The following TM4SF5 variants were observed in gnomAD, a reference collection of about 807,000 sequenced individuals.
TM4SF5 encodes transmembrane 4 L six family member 5, also known as transmembrane 4 L6 family member 5.
A neutral mutation model predicts 22.3 loss-of-function variants in TM4SF5; 16 were observed. The ratio of observed to expected loss-of-function variants is 0.72; its 90% CI spans 0.49 to 1.09. TM4SF5 has a LOEUF of 1.09. TM4SF5 is among the 50% of genes least tolerant of loss of function. The probability of loss-of-function intolerance (pLI) is 0.00; values close to 1 mark genes in which losing one functional copy is unlikely to be tolerated. For synonymous variants in TM4SF5, 113 were observed against 109.6 expected (o/e 1.03, Z -0.19); for missense variants, 249 against 266.1 (o/e 0.94, Z 0.45).
chr17:4,782,885 G>T lies in TM4SF5; in HGVS notation c.427G>T (p.Asp143Tyr). 1 of 1,614,122 alleles carries T rather than the reference G, an allele frequency of 6.2e-7. No individual in the cohort carries two copies. Among genetic ancestry groups the T allele is most frequent in the South Asian group, 1.1e-5 (1 of 91,076 alleles). The change falls in exon 4 of 5, where the codon GAT (aspartate) becomes TAT (tyrosine). Residue 143 changes from aspartate to tyrosine, a missense_variant. Physicochemically the swap from Asp to Tyr is radical, Grantham distance 160. Transcript: ENST00000270560. ...TTACTTGCTCAACCGCACTCTATGG[G>T]ATCGGTGCGAGGCGCCCCCTCGCGT... ...GAYLLNRTLW[D>Y]RCEAPPRVVP... is the part of the protein sequence containing the mutation.
intron 1 of TM4SF5, 118 bp from the exon 2 acceptor site, chr17:4,780,671 C>T (rs1053386044): frequency 2.9e-6 from 2 of 692,270 alleles, no homozygotes; most frequent in South Asian, 2.2e-5. Context: ...ATAAGGTCTT[C>T]TACAGTCCAA....
chr17:4,780,350 C>T (rs969707515), intron 1 of TM4SF5, among the ~76,000 whole-genome samples: 7 of 152,148 alleles, frequency 4.6e-5, no homozygotes, highest in Non-Finnish European at 7.3e-5. Context: ...CCACCGCGCC[C>T]GGCCTCTGAG....
At position 4,783,012 on chromosome 17, in the gene TM4SF5, T is replaced by C. The variant is rs1217009816; in HGVS notation, c.554T>C (p.Phe185Ser). Residue 185 changes from phenylalanine to serine, a missense_variant, in exon 4 of 5, where the codon TTC becomes TCC. By Grantham distance (155) the Phe-to-Ser change is radical (BLOSUM62 -2). Coordinates refer to ENST00000270560, the MANE Select transcript of TM4SF5 (RefSeq NM_003963.3). Reference sequence around the variant, plus strand: ...CTGGTGAACGCGACCATTGGTGTCTTCTGCGGCGATTGCAGGAAAAAACAG... The same window carrying C: ...CTGGTGAACGCGACCATTGGTGTCTCCTGCGGCGATTGCAGGAAAAAACAG... Reference protein sequence around the residue: ...IQLVNATIGVFCGDCRKKQDT... With the variant: ...IQLVNATIGVSCGDCRKKQDT... 9.3e-6 allele frequency: 15 copies of C among 1,614,060 alleles called. No individual in the cohort carries two copies. Among genetic ancestry groups the C allele is most frequent in the Non-Finnish European group, 1.1e-5 (13 of 1,180,014 alleles).
chr17:4,778,771 G>T (rs775582862), intron 1 of TM4SF5, among the ~76,000 whole-genome samples: 1 of 151,916 alleles, frequency 6.6e-6, no homozygotes, highest in Non-Finnish European at 1.5e-5. Flanking sequence ...CAAGTTACAA[G>T]TCTTGGCCAG....
In TM4SF5 at chr17:4,782,523, C is replaced by G; in HGVS notation, c.279C>G (p.Ser93=). The part of the protein sequence containing the change: ...NRCRMLRSVF[S]SAFGVLGAIY... ...TCCAGATGCTGCGCTCGGTCTTCTC[C>G]TCGGCGTTCGGGGTGCTTGGTGCCA... Residue 93 remains serine (S), a synonymous_variant, in exon 3 of 5, where the codon TCC becomes TCG. Coordinates refer to ENST00000270560, the MANE Select transcript of TM4SF5 (RefSeq NM_003963.3). The G allele has an allele frequency of 6.2e-7, 1 of 1,614,068 alleles. No individual in the cohort carries two copies. Among genetic ancestry groups the G allele is most frequent in the Non-Finnish European group, 8.5e-7 (1 of 1,180,018 alleles).
chr17:4,776,429 G>C (rs1186626352), intron 1 of TM4SF5, among the ~76,000 whole-genome samples: 1 of 152,082 alleles, frequency 6.6e-6, no homozygotes, highest in African/African-American at 2.4e-5. Flanking sequence ...AGCCTCCTGA[G>C]TAGCTGGGAT....
intron 2 of TM4SF5, among the ~76,000 whole-genome samples, chr17:4,781,793 G>A (rs1917314693): frequency 6.6e-6 from 1 of 152,084 alleles, no homozygotes; most frequent in Admixed American, 6.6e-5. Flanking sequence ...GGGATTACAG[G>A]TGTGAGATAT....
At chr17:4,773,097 GT>G (rs2150644536) in intron 1 of TM4SF5, among the ~76,000 whole-genome samples, 1 of 152,130 alleles carries the variant, frequency 6.6e-6, no homozygotes, top group South Asian at 2.1e-4. Flanking sequence ...TAGAGACAGG[GT>G]TTCGCCACGT....
At chr17:4,778,802 A>T (rs1917249718) in intron 1 of TM4SF5, among the ~76,000 whole-genome samples, 1 of 152,178 alleles carries the variant, frequency 6.6e-6, no homozygotes, top group South Asian at 2.1e-4. Flanking sequence ...TCACGCTTGT[A>T]ATCCCAGCAC....
chr17:4,774,003 G>A (rs1226780275), intron 1 of TM4SF5, among the ~76,000 whole-genome samples: 1 of 152,184 alleles, frequency 6.6e-6, no homozygotes, highest in Non-Finnish European at 1.5e-5. Context: ...ATCACCTGAG[G>A]TCAGGAGTTC....
At chr17:4,774,503 C>T (rs939780109) in intron 1 of TM4SF5, among the ~76,000 whole-genome samples, 5 of 152,036 alleles carry the variant, frequency 3.3e-5, no homozygotes, top group Non-Finnish European at 7.4e-5. Context: ...TATGACCACG[C>T]GCCACTGCAC....
chr17:4,777,559 A>G (rs1597298156), intron 1 of TM4SF5, among the ~76,000 whole-genome samples: 2 of 151,378 alleles, frequency 1.3e-5, no homozygotes, highest in South Asian at 2.1e-4. Context: ...TGGGCAACAT[A>G]GTGAGACTCT....
At chr17:4,778,028 A>C (rs754359569) in intron 1 of TM4SF5, among the ~76,000 whole-genome samples, 20 of 151,810 alleles carry the variant, frequency 1.3e-4, no homozygotes, top group Non-Finnish European at 2.4e-4. Flanking sequence ...TCTGGGCAAC[A>C]GTGTGAGACC....
chr17:4,781,341 A>G (rs1016416765), intron 2 of TM4SF5, among the ~76,000 whole-genome samples: 2 of 150,898 alleles, frequency 1.3e-5, no homozygotes, highest in Non-Finnish European at 3.0e-5. Flanking sequence ...AAAAAAAAGA[A>G]AAGAAAAGAT....
intron 2 of TM4SF5, among the ~76,000 whole-genome samples, chr17:4,781,287 A>G (rs370467194): frequency 1.3e-4 from 20 of 151,766 alleles, no homozygotes; most frequent in African/African-American, 3.1e-4. Flanking sequence ...CCGAGATCAC[A>G]CCATTGCACT....
chr17:4,776,805 T>C (rs1364923721), intron 1 of TM4SF5, among the ~76,000 whole-genome samples: 1 of 152,154 alleles, frequency 6.6e-6, no homozygotes, highest in African/African-American at 2.4e-5. Flanking sequence ...TAGTTCTTAG[T>C]GTGAGAGGTC....
chr17:4,772,803 C>A (rs367576937), intron 1 of TM4SF5, among the ~76,000 whole-genome samples: 1 of 151,206 alleles, frequency 6.6e-6, no homozygotes, highest in African/African-American at 2.4e-5. Flanking sequence ...GTAGCCCCAA[C>A]CTCCTGGGCC....
intron 1 of TM4SF5, among the ~76,000 whole-genome samples, chr17:4,780,358 G>T (rs895658231): frequency 6.6e-5 from 10 of 152,036 alleles, no homozygotes; most frequent in African/African-American, 2.4e-4. Flanking sequence ...CCCGGCCTCT[G>T]AGCCAGTCTT....
intron 1 of TM4SF5, among the ~76,000 whole-genome samples, chr17:4,773,094 A>C (rs1466933917): frequency 1.3e-5 from 2 of 151,958 alleles, no homozygotes; most frequent in East Asian, 3.9e-4. Context: ...CAGTAGAGAC[A>C]GGGTTTCGCC....
Sources: gnomAD v4.1 joint callset for allele counts (sites outside exome capture counted in the v4.1 genomes callset) on GRCh38, gnomAD v4.1.1 for gene constraint, MANE v1.5 for transcripts, NCBI Gene and HGNC (gene_info 2026-07-23, HGNC 2026-07-21) for gene names.